Variants in ALG1L2 observed in about 807,000 individuals in gnomAD.
ALG1L2 encodes the protein ALG1 chitobiosyldiphosphodolichol beta-mannosyltransferase like 2, also known as putative glycosyltransferase ALG1L2.
ALG1L2 carries 32 observed loss-of-function variants against 29.0 expected under a neutral mutation model. That is an observed-to-expected ratio of 1.10 (90% CI 0.83 to 1.48). ALG1L2 has a LOEUF of 1.48. Among genes scored for constraint, ALG1L2 ranks in the 40% most tolerant of loss-of-function variants. ALG1L2 has a pLI of 0.00. For missense variants in ALG1L2, 318 were observed against 274.1 expected (o/e 1.16, Z -1.13); for synonymous variants, 110 against 109.5 (o/e 1.00, Z -0.03).
At chr3:130,095,076 C>T (rs1355141271) in intron 5 of ALG1L2, among the ~76,000 whole-genome samples, 1 of 152,200 alleles carries the variant, frequency 6.6e-6, no homozygotes. Context: ...GCTCCGTTGC[C>T]TAGGTTGGAG....
chr3:130,097,121 G>T lies in ALG1L2; in HGVS notation c.540-54G>T, dbSNP rs1320549567. The T allele has an allele frequency of 3.1e-6, 5 of 1,603,856 alleles. No homozygotes were observed. In the Admixed American group the frequency reaches 6.8e-5, roughly 22 times the overall value. Reference sequence around the variant, plus strand: ...GGTGGGAGCCCAGCTGGGCACCCCAGGGGTCTAGTGTCTTCTCCAGGAAAC... The same window carrying T: ...GGTGGGAGCCCAGCTGGGCACCCCATGGGTCTAGTGTCTTCTCCAGGAAAC... On this transcript the variant is annotated intron_variant, in intron 6 of 7. Coordinates refer to ENST00000425059, the MANE Select transcript of ALG1L2 (RefSeq NM_001136152.1).
At chr3:130,094,128 C>G (rs993570701) in intron 4 of ALG1L2, 2 of 480,276 alleles carry the variant, frequency 4.2e-6, no homozygotes, top group Non-Finnish European at 7.6e-6. Context: ...TGGGTGGTCG[C>G]GTGCCAGGCC....
At chr3:130,087,181 G>C (rs1934909988) in intron 1 of ALG1L2, among the ~76,000 whole-genome samples, 3 of 149,658 alleles carry the variant, frequency 2.0e-5, no homozygotes, top group Non-Finnish European at 4.5e-5. Flanking sequence ...TGGTGTAATG[G>C]GGTAAACCAT....
chr3:130,086,080 A>G (rs1410927648), intron 1 of ALG1L2, among the ~76,000 whole-genome samples: 1 of 151,600 alleles, frequency 6.6e-6, no homozygotes, highest in Non-Finnish European at 1.5e-5. Context: ...GTGGACAGAA[A>G]TCACCACGAT....
chr3:130,086,353 G>T (rs1934890800), intron 1 of ALG1L2, among the ~76,000 whole-genome samples: 1 of 146,710 alleles, frequency 6.8e-6, no homozygotes, highest in South Asian at 2.2e-4. Context: ...TGGAGCGAAT[G>T]TGGAAGTCAT....
intron 1 of ALG1L2, among the ~76,000 whole-genome samples, chr3:130,090,246 C>G: frequency 6.6e-6 from 1 of 152,304 alleles, no homozygotes; most frequent in Admixed American, 6.5e-5. Context: ...ATCCCAGCTA[C>G]TCCGGAGGCT....
chr3:130,094,681 C>T (rs1935093203), intron 5 of ALG1L2, among the ~76,000 whole-genome samples, 168 bp downstream of exon 5: 1 of 152,204 alleles, frequency 6.6e-6, no homozygotes, highest in South Asian at 2.1e-4. Flanking sequence ...TGTGCCAGCC[C>T]CTCCCTGCCA....
chr3:130,087,731 C>A (rs556212935), intron 1 of ALG1L2, among the ~76,000 whole-genome samples: 1 of 127,720 alleles, frequency 7.8e-6, no homozygotes, highest in African/African-American at 2.6e-5. Context: ...ACTTCCATGT[C>A]TGGAAAAATA....
At chr3:130,089,488 C>CAAAAAAAAAAAAAA (rs143039942) in intron 1 of ALG1L2, 16 of 99,406 alleles carry the variant, frequency 1.6e-4, no homozygotes, top group African/African-American at 5.3e-4. Context: ...CCTTCATAAT[C>CAAAAAAAAAAAAAA]AAAAAAAGAA....
intron 1 of ALG1L2, among the ~76,000 whole-genome samples, chr3:130,090,272 C>T (rs1934988393): frequency 6.6e-6 from 1 of 151,938 alleles, no homozygotes; most frequent in South Asian, 2.1e-4. Context: ...AGGAGAATCA[C>T]TTGAACCCGG....
intron 5 of ALG1L2, 126 bp from the exon 6 acceptor site, chr3:130,095,923 G>A (rs1266911268): frequency 9.2e-6 from 9 of 980,228 alleles, no homozygotes; most frequent in South Asian, 8.9e-5. Flanking sequence ...GCCACTTGTG[G>A]TTGGGGATGT....
At chr3:130,087,169 T>A (rs1048400277) in intron 1 of ALG1L2, among the ~76,000 whole-genome samples, 3 of 149,514 alleles carry the variant, frequency 2.0e-5, no homozygotes, top group African/African-American at 7.3e-5. Context: ...CAACATTCAC[T>A]TTGGTGTAAT....
At chr3:130,087,190 A>G (rs1237247241) in intron 1 of ALG1L2, among the ~76,000 whole-genome samples, 26 of 149,810 alleles carry the variant, frequency 1.7e-4, no homozygotes, top group Non-Finnish European at 3.4e-4. Context: ...GGGGTAAACC[A>G]TCAACATGTC....
At chr3:130,097,879 G>A (rs1231088910) in intron 7 of ALG1L2, among the ~76,000 whole-genome samples, 2 of 152,216 alleles carry the variant, frequency 1.3e-5, no homozygotes, top group African/African-American at 4.8e-5. Flanking sequence ...CCTTGATTCA[G>A]ACAGTTTAGC....
intron 6 of ALG1L2, 24 bp from the exon 7 acceptor site, chr3:130,097,151 G>C (rs372306140): frequency 6.2e-7 from 1 of 1,611,444 alleles, no homozygotes; most frequent in Admixed American, 1.7e-5. Flanking sequence ...GGAAACTCTC[G>C]GGCTCCTTTT....
At chr3:130,095,465 C>T (rs1382175576) in intron 5 of ALG1L2, among the ~76,000 whole-genome samples, 4 of 150,568 alleles carry the variant, frequency 2.7e-5, no homozygotes, top group South Asian at 2.1e-4. Flanking sequence ...GACGGAGTTT[C>T]GCTCCTGTAG....
At chr3:130,097,153 G>C (rs778825059) in intron 6 of ALG1L2, 22 bp from the exon 7 acceptor site, 2 of 1,611,578 alleles carry the variant, frequency 1.2e-6, no homozygotes, top group African/African-American at 2.7e-5. Flanking sequence ...AAACTCTCGG[G>C]CTCCTTTTGT....
chr3:130,093,309 G>C lies in ALG1L2; in HGVS notation c.313+149G>C, dbSNP rs368787186. 2.9e-4 allele frequency: 261 copies of C among 896,236 alleles called. 3 individuals are homozygous for C. The South Asian group carries it at 4.9e-3, about 17-fold the overall frequency. The allele number at this position is 896,236 out of a possible 1,614,324, so 55.5% of individuals were successfully genotyped here. A position where few individuals can be genotyped will look rare whatever the true frequency, so the allele number is the denominator to read the frequency against. On this transcript the variant is annotated intron_variant, in intron 4 of 7. Coordinates refer to ENST00000425059, the MANE Select transcript of ALG1L2 (RefSeq NM_001136152.1). ...AGGGTCTTACACTGCTTGACATGCGGGAAACTGAGGCTCAGAGGGTTTCAC... is the reference window on the plus strand; with the variant it reads ...AGGGTCTTACACTGCTTGACATGCGCGAAACTGAGGCTCAGAGGGTTTCAC...
chr3:130,091,432 T>A, intron 2 of ALG1L2, 61 bp downstream of exon 2: 2 of 1,514,550 alleles, frequency 1.3e-6, no homozygotes, highest in Non-Finnish European at 1.8e-6. Context: ...CCTCTCCCCT[T>A]CTCACTGCAG....
Sources: gnomAD v4.1 joint callset for allele counts (sites outside exome capture counted in the v4.1 genomes callset) on GRCh38, gnomAD v4.1.1 for gene constraint, MANE v1.5 for transcripts, NCBI Gene and HGNC (gene_info 2026-07-23, HGNC 2026-07-21) for gene names.